BCL2L13: variants seen among roughly 807,000 people sequenced by gnomAD.
The protein encoded by BCL2L13 is bcl-2-like protein 13.
BCL2L13 carries 13 observed loss-of-function variants against 25.8 expected under a neutral mutation model. The ratio of observed to expected loss-of-function variants is 0.50; its 90% CI spans 0.33 to 0.80. BCL2L13 has a LOEUF of 0.80. Among genes scored for constraint, BCL2L13 ranks in the 30% least tolerant of loss-of-function variants. The pLI, the probability that BCL2L13 is intolerant of heterozygous loss-of-function variation, is 0.02. For missense variants in BCL2L13, 504 were observed against 574.9 expected (o/e 0.88, Z 1.26); for synonymous variants, 244 against 230.3 (o/e 1.06, Z -0.54).
chr22:17,635,994 C>G (rs1270164728), upstream of BCL2L13, among the ~76,000 whole-genome samples: 1 of 151,564 alleles, frequency 6.6e-6, no homozygotes, highest in African/African-American at 2.4e-5. Flanking sequence ...TAGGCGTGAA[C>G]CACCACGCCC....
intron 1 of BCL2L13, among the ~76,000 whole-genome samples, chr22:17,631,706 A>ATATATATATAT (rs1568904043): frequency 2.7e-4 from 3 of 10,932 alleles, no homozygotes; most frequent in Non-Finnish European, 5.2e-4. Flanking sequence ...ATATATATAT[A>ATATATATATAT]TTTTTTTTTT....
chr22:17,698,224 C>T (rs776557775), intron 5 of BCL2L13, among the ~76,000 whole-genome samples: 11 of 151,940 alleles, frequency 7.2e-5, no homozygotes, highest in Non-Finnish European at 1.5e-4. Context: ...AAGCAATTCT[C>T]CTGCCTCAAC....
chr22:17,679,196 ATG>A (rs2059659513), intron 2 of BCL2L13, among the ~76,000 whole-genome samples: 1 of 147,800 alleles, frequency 6.8e-6, no homozygotes, highest in Non-Finnish European at 1.5e-5. Flanking sequence ...GGGATTATTG[ATG>A]TGATTGTGAA....
intron 6 of BCL2L13, chr22:17,706,602 GT>G (rs1385033476): frequency 2.7e-5 from 30 of 1,101,068 alleles, no homozygotes; most frequent in Non-Finnish European, 3.3e-5. Flanking sequence ...GAAGAGTGTG[GT>G]TTTTTTCCCT....
chr22:17,684,350 G>C (rs1051167554), intron 3 of BCL2L13, among the ~76,000 whole-genome samples: 1 of 152,092 alleles, frequency 6.6e-6, no homozygotes, highest in Non-Finnish European at 1.5e-5. Flanking sequence ...TTCAGTGGTT[G>C]TAGTGTATTC....
At chr22:17,658,445 CACT>C (rs2058955467) in intron 2 of BCL2L13, among the ~76,000 whole-genome samples, 1 of 152,086 alleles carries the variant, frequency 6.6e-6, no homozygotes, top group Non-Finnish European at 1.5e-5. Flanking sequence ...GTAATCCCAG[CACT>C]TTGGGAAGCC....
chr22:17,638,794 G>A lies in BCL2L13; in HGVS notation c.-143G>A, dbSNP rs2058158475. 3 of 1,231,688 alleles carry A rather than the reference G, an allele frequency of 2.4e-6. No individual in the cohort carries two copies. The African/African-American group carries it at 4.7e-5, about 19-fold the overall frequency. The allele number at this position is 1,231,688 out of a possible 1,614,324, so 76.3% of individuals were successfully genotyped here. A position where few individuals can be genotyped will look rare whatever the true frequency, so the allele number is the denominator to read the frequency against. On this transcript the variant is annotated 5_prime_UTR_variant, in exon 1 of 7. Coordinates refer to ENST00000317582, the MANE Select transcript of BCL2L13 (RefSeq NM_015367.4). ...GGCGGCGGCGGTAGATTAGGGCCGCGGGTCGGAGCACTCACCGCCGCTGGG... is the reference window on the plus strand; with the variant it reads ...GGCGGCGGCGGTAGATTAGGGCCGCAGGTCGGAGCACTCACCGCCGCTGGG...
At position 17,656,445 on chromosome 22, in the gene BCL2L13, G is replaced by A. The variant is rs190191217; in HGVS notation, c.121+613G>A. On this transcript the variant is annotated intron_variant, in intron 2 of 6. Coordinates refer to ENST00000317582, the MANE Select transcript of BCL2L13 (RefSeq NM_015367.4). Reference sequence around the variant, plus strand: ...GGCTCACTGCAACCTCCACCTTCCCGGTTCAAGCGATTCTGCCTCAGCCTC... The same window carrying A: ...GGCTCACTGCAACCTCCACCTTCCCAGTTCAAGCGATTCTGCCTCAGCCTC... Among the ~76,000 whole-genome samples, 255 of 124,478 alleles carry A rather than the reference G, an allele frequency of 2.0e-3. 2 individuals are homozygous for A. Among genetic ancestry groups the A allele is most frequent in the African/African-American group, 6.9e-3 (226 of 32,550 alleles). The allele number at this position is 124,478 out of a possible 152,430, so 81.7% of individuals were successfully genotyped here. A position where few individuals can be genotyped will look rare whatever the true frequency, so the allele number is the denominator to read the frequency against.
intron 1 of BCL2L13, among the ~76,000 whole-genome samples, chr22:17,640,691 C>T (rs2146381898): frequency 7.1e-6 from 1 of 140,528 alleles, no homozygotes; most frequent in Non-Finnish European, 1.6e-5. Flanking sequence ...ACCTTGTCTT[C>T]ACAAAAAATT....
intron 4 of BCL2L13, among the ~76,000 whole-genome samples, chr22:17,693,014 C>T (rs543930485): frequency 2.0e-5 from 3 of 151,966 alleles, no homozygotes; most frequent in East Asian, 3.9e-4. Context: ...CATGTGACAT[C>T]GAGACATTGT....
intron 4 of BCL2L13, among the ~76,000 whole-genome samples, chr22:17,692,820 AAAAAT>A (rs1371707781): frequency 1.3e-5 from 2 of 152,234 alleles, no homozygotes; most frequent in Non-Finnish European, 1.5e-5. Flanking sequence ...CAGCCAAGTA[AAAAAT>A]AAAATGAAAT....
At chr22:17,686,226 A>G (rs1056242308) in intron 3 of BCL2L13, among the ~76,000 whole-genome samples, 2 of 152,040 alleles carry the variant, frequency 1.3e-5, no homozygotes, top group South Asian at 4.2e-4. Flanking sequence ...AAGTGGGTGG[A>G]TCACTTGAGG....
intron 6 of BCL2L13, among the ~76,000 whole-genome samples, chr22:17,707,944 A>G (rs1290444497): frequency 6.6e-6 from 1 of 152,164 alleles, no homozygotes; most frequent in African/African-American, 2.4e-5. Context: ...TGATGCAGCC[A>G]ATTTTTGTAA....
chr22:17,713,986 G>A (rs955127352), intron 6 of BCL2L13, among the ~76,000 whole-genome samples: 3 of 151,380 alleles, frequency 2.0e-5, no homozygotes, highest in Non-Finnish European at 4.4e-5. Flanking sequence ...TCTACCAAAA[G>A]TATTTTAAAA....
At chr22:17,696,236 T>A in intron 5 of BCL2L13, 26 bp downstream of exon 5, 3 of 1,580,248 alleles carry the variant, frequency 1.9e-6, no homozygotes, top group Non-Finnish European at 2.6e-6. Context: ...TCTTTTCTCT[T>A]AAAAGATTTT....
Position 17,659,812 on chromosome 22 carries a change from A to G in BCL2L13, c.121+3980A>G, listed in dbSNP as rs940659662. On this transcript the variant is annotated intron_variant, in intron 2 of 6. Coordinates refer to ENST00000317582, the MANE Select transcript of BCL2L13 (RefSeq NM_015367.4). ...CTTTATATGAAAATTAAAATCCCTTAGATATCTTCATTTATACAAACATTT... is the reference window on the plus strand; with the variant it reads ...CTTTATATGAAAATTAAAATCCCTTGGATATCTTCATTTATACAAACATTT... Among the ~76,000 whole-genome samples, 4 of 146,376 alleles carry G rather than the reference A, an allele frequency of 2.7e-5. 1 individual carries two copies. Among genetic ancestry groups the G allele is most frequent in the Admixed American group, 2.7e-4 (4 of 14,670 alleles).
intron 6 of BCL2L13, among the ~76,000 whole-genome samples, chr22:17,724,895 C>A (rs1435195063): frequency 1.3e-5 from 2 of 152,162 alleles, no homozygotes; most frequent in Non-Finnish European, 2.9e-5. Context: ...CTTGTGCATA[C>A]ACCTGTCATA....
rs564663713 is a variant in BCL2L13, at chr22:17,672,616, C to T, written c.122-10598C>T. 2.0e-5 allele frequency among the ~76,000 whole-genome samples: 3 copies of T among 152,340 alleles called. No homozygotes were observed. The East Asian group carries it at 5.8e-4, about 29-fold the overall frequency. On this transcript the variant is annotated intron_variant, in intron 2 of 6. Coordinates refer to ENST00000317582, the MANE Select transcript of BCL2L13 (RefSeq NM_015367.4). Reference sequence around the variant, plus strand: ...TAATTAAATGCAAATCACTGAATCTCTCTGTGTCACTGGTCAGCTAAATAA... The same window carrying T: ...TAATTAAATGCAAATCACTGAATCTTTCTGTGTCACTGGTCAGCTAAATAA...
intron 4 of BCL2L13, among the ~76,000 whole-genome samples, chr22:17,693,739 C>CT (rs933339498): frequency 4.7e-5 from 7 of 149,960 alleles, no homozygotes; most frequent in East Asian, 2.0e-4. Context: ...TTTCCTTTTT[C>CT]TTTTTTTTTA....
Sources: allele counts gnomAD v4.1 joint callset (sites outside exome capture counted in the v4.1 genomes callset), GRCh38; gene constraint gnomAD v4.1.1; transcripts MANE v1.5; gene names NCBI Gene and HGNC (gene_info 2026-07-23, HGNC 2026-07-21).